ZBTB21: variants seen among roughly 807,000 people sequenced by gnomAD.
The protein encoded by ZBTB21 is zinc finger and BTB domain-containing protein 21.
ZBTB21 carries 10 observed loss-of-function variants against 39.8 expected under a neutral mutation model. The observed-to-expected ratio is 0.25, with a 90% CI of 0.16 to 0.43. The LOEUF (loss-of-function observed/expected upper bound fraction) is 0.43, where lower values mean the gene tolerates loss of function less well. Among genes scored for constraint, ZBTB21 ranks in the 20% least tolerant of loss-of-function variants. The pLI is 1.00. For missense variants in ZBTB21, 1,221 were observed against 1,296.3 expected (o/e 0.94, Z 0.89); for synonymous variants, 551 against 498.8 (o/e 1.10, Z -1.40).
intron 2 of ZBTB21, among the ~76,000 whole-genome samples, chr21:41,998,792 C>T (rs979576445): frequency 5.3e-5 from 8 of 152,104 alleles, no homozygotes; most frequent in East Asian, 1.9e-4. Flanking sequence ...TCAATTTAAC[C>T]GACTGAGACA....
chr21:42,009,830 A>T (rs1294780039), intron 1 of ZBTB21, among the ~76,000 whole-genome samples: 1 of 151,948 alleles, frequency 6.6e-6, no homozygotes, highest in Non-Finnish European at 1.5e-5. Flanking sequence ...GCCGGCCCCC[A>T]ACCCCTGCCC....
Position 41,993,979 on chromosome 21 carries a change from T to A in ZBTB21, c.117A>T (p.Gln39His). The change falls in exon 3 of 3, where the codon CAA becomes CAT. Residue 39 changes from glutamine to histidine, a missense_variant. Physicochemically the swap from Gln to His is conservative, Grantham distance 24 (BLOSUM62 0). Coordinates refer to ENST00000310826, the MANE Select transcript of ZBTB21 (RefSeq NM_001098402.2). Reference protein sequence around the residue: ...LCDVLLIVGDQKFRAHKNVLA... With the variant: ...LCDVLLIVGDHKFRAHKNVLA... ...AGACGTTTTTATGAGCTCGGAACTT[T>A]TGGTCTCCAACAATCAGCAGCACAT... The A allele has an allele frequency of 6.2e-7, 1 of 1,614,268 alleles. No homozygotes were observed. The highest frequency in any genetic ancestry group is 1.1e-5 in the South Asian group (1 of 91,086).
At chr21:42,009,805 C>T (rs1233058501) in intron 1 of ZBTB21, among the ~76,000 whole-genome samples, 1 of 151,996 alleles carries the variant, frequency 6.6e-6, no homozygotes, top group Admixed American at 6.5e-5. Context: ...CCGCGCACAC[C>T]CCGCGGCCCG....
Position 41,988,176 on chromosome 21 carries a change from CAT to C in ZBTB21, c.*2717_*2718del, listed in dbSNP as rs1193041610. ...CATTGCTTACTTTGAGTGATAAAAA[CAT>C]GTTTTATGTTACTCCTTCCTTCTCC... On this transcript the variant is annotated 3_prime_UTR_variant, in exon 3 of 3. Transcript: ENST00000310826. 1.4e-5 allele frequency: 2 copies of C among 146,714 alleles called. No homozygotes were observed. The highest frequency in any genetic ancestry group is 6.9e-5 in the Admixed American group (1 of 14,450). 9.1% of individuals were successfully genotyped at this position (146,714 alleles called of 1,614,324 possible). A position where few individuals can be genotyped will look rare whatever the true frequency, so the allele number is the denominator to read the frequency against.
chr21:42,009,984 A>C (rs1415547547), intron 1 of ZBTB21, among the ~76,000 whole-genome samples: 5 of 152,214 alleles, frequency 3.3e-5, no homozygotes, highest in Non-Finnish European at 7.4e-5. Flanking sequence ...GAGCATGCGC[A>C]TTCGCGAGGG....
At chr21:42,010,014 G>A (rs1051921255) in intron 1 of ZBTB21, among the ~76,000 whole-genome samples, 1 of 152,264 alleles carries the variant, frequency 6.6e-6, no homozygotes, top group African/African-American at 2.4e-5. Flanking sequence ...GTGCTGGCAG[G>A]GAGCGTGCGC....
intron 1 of ZBTB21, among the ~76,000 whole-genome samples, chr21:42,005,672 T>C (rs1300915785): frequency 6.6e-6 from 1 of 152,250 alleles, no homozygotes; most frequent in Non-Finnish European, 1.5e-5. Flanking sequence ...GCTTCTAGAC[T>C]GAGCTTCTTA....
chr21:41,993,516 G>A lies in ZBTB21; in HGVS notation c.580C>T (p.Pro194Ser). The stretch of plus-strand genomic sequence containing the variant: ...GACAAATTATGAAGTGGTTCTATTG[G>A]TTTTGGGACATGTGGCTTATTGGTA... Reference protein sequence around the residue: ...ANTNKPHVPKPIEPLHNLSLT... With the variant: ...ANTNKPHVPKSIEPLHNLSLT... Residue 194 changes from proline (P) to serine (S), a missense_variant, in exon 3 of 3, where the codon CCA (proline) becomes TCA (serine). Transcript: ENST00000310826. 6.2e-7 allele frequency: 1 copy of A among 1,614,216 alleles called. No individual in the cohort carries two copies. The highest frequency in any genetic ancestry group is 8.5e-7 in the Non-Finnish European group (1 of 1,180,044).
chr21:41,995,517 G>A (rs1209111335), intron 2 of ZBTB21, among the ~76,000 whole-genome samples: 2 of 152,206 alleles, frequency 1.3e-5, no homozygotes, highest in African/African-American at 4.8e-5. Flanking sequence ...GAGGTTCTCA[G>A]GTGCTGTTAG....
intron 2 of ZBTB21, among the ~76,000 whole-genome samples, chr21:41,996,116 T>C (rs750505861): frequency 5.3e-5 from 8 of 152,186 alleles, no homozygotes; most frequent in Non-Finnish European, 1.2e-4. Flanking sequence ...AATGTGGGGT[T>C]GAAGCCCCCA....
At position 41,992,844 on chromosome 21, in the gene ZBTB21, T is replaced by A. The variant is rs779562322; in HGVS notation, c.1252A>T (p.Arg418Trp). ...TCAGTCACAGGGGAAGCTCCCTCCC[T>A]GTCTGTTGACTGAGAAGCACTAAAG... ...RSFSASQSTD[R>W]EGASPVTEVR... Residue 418 changes from arginine (R) to tryptophan (W), a missense_variant, in exon 3 of 3, where the codon AGG (arginine) becomes TGG (tryptophan). By Grantham distance (101) the Arg-to-Trp change is moderately radical. Coordinates refer to ENST00000310826, the MANE Select transcript of ZBTB21 (RefSeq NM_001098402.2). The surrounding 1 kb of genome is among the most constrained non-coding windows in gnomAD (Gnocchi z 4.1). 6.2e-7 allele frequency: 1 copy of A among 1,614,202 alleles called. No individual in the cohort carries two copies. Among genetic ancestry groups the A allele is most frequent in the Admixed American group, 1.7e-5 (1 of 60,024 alleles).
intron 2 of ZBTB21, among the ~76,000 whole-genome samples, chr21:41,994,316 T>C (rs753250224): frequency 6.6e-6 from 1 of 152,124 alleles, no homozygotes; most frequent in Non-Finnish European, 1.5e-5. Context: ...CTCATTAAAA[T>C]AGAAGAATTG....
Position 41,988,604 on chromosome 21 carries a change from AAAGT to A in ZBTB21, c.*2287_*2290del, listed in dbSNP as rs1297354308. On this transcript the variant is annotated 3_prime_UTR_variant, in exon 3 of 3. Coordinates refer to ENST00000310826, the MANE Select transcript of ZBTB21 (RefSeq NM_001098402.2). The stretch of plus-strand genomic sequence containing the variant: ...CTAATGCTTTTAAAGTACAGTATAA[AAAGT>A]AATAGAAAAACCAGAACGGCATTAT... The A allele has an allele frequency of 6.6e-6, 1 of 152,206 alleles. No homozygotes were observed. Among genetic ancestry groups the A allele is most frequent in the Non-Finnish European group, 1.5e-5 (1 of 68,024 alleles). The allele number at this position is 152,206 out of a possible 1,614,324, so 9.4% of individuals were successfully genotyped here.
At chr21:42,007,493 A>T (rs550487164) in intron 1 of ZBTB21, among the ~76,000 whole-genome samples, 7 of 152,154 alleles carry the variant, frequency 4.6e-5, no homozygotes, top group Non-Finnish European at 8.8e-5. Flanking sequence ...CTGCCACCCA[A>T]AATCTCTCTC....
Position 41,986,942 on chromosome 21 carries a change from A to G in ZBTB21, c.*3953T>C, listed in dbSNP as rs2065586457. On this transcript the variant is annotated 3_prime_UTR_variant, in exon 3 of 3. Transcript: ENST00000310826. ...AATAAGCAATGGATTAACATTAGAT[A>G]GAAATCCTATTTTACCATGAATTTT... The G allele has an allele frequency of 6.5e-6, 1 of 152,694 alleles. No individual in the cohort carries two copies. The highest frequency in any genetic ancestry group is 2.1e-4 in the South Asian group (1 of 4,834). 9.5% of individuals were successfully genotyped at this position (152,694 alleles called of 1,614,324 possible). A position where few individuals can be genotyped will look rare whatever the true frequency, so the allele number is the denominator to read the frequency against.
rs1288583562 is a variant in ZBTB21, at chr21:41,992,459, A to C, written c.1637T>G (p.Phe546Cys). Residue 546 changes from phenylalanine (F) to cysteine (C), a missense_variant, in exon 3 of 3, where the codon TTT (phenylalanine) becomes TGT (cysteine). Phe to Cys is a radical substitution (Grantham distance 205). Around this residue, in one of 4 missense-constraint regions of ZBTB21, gnomAD observed 90 missense variants for 133.1 expected, o/e 0.68. Transcript: ENST00000310826. The surrounding 1 kb of genome is among the most constrained non-coding windows in gnomAD (Gnocchi z 4.1). ...ELEGTRPNKKFKCKHCLKIFR... is the reference protein window; with the variant it reads ...ELEGTRPNKKCKCKHCLKIFR... ...GATCTTAAGGCAATGTTTGCATTTAAATTTTTTGTTTGGTCTCGTCCCCTC... is the reference window on the plus strand; with the variant it reads ...GATCTTAAGGCAATGTTTGCATTTACATTTTTTGTTTGGTCTCGTCCCCTC... The C allele has an allele frequency of 6.2e-7, 1 of 1,613,930 alleles. No homozygotes were observed. Among genetic ancestry groups the C allele is most frequent in the African/African-American group, 1.3e-5 (1 of 74,870 alleles).
At chr21:42,003,624 C>A (rs1319341188) in intron 1 of ZBTB21, among the ~76,000 whole-genome samples, 1 of 152,134 alleles carries the variant, frequency 6.6e-6, no homozygotes, top group Non-Finnish European at 1.5e-5. Context: ...ACATGATGCA[C>A]AAAGGAAAGG....
At chr21:41,994,494 A>T (rs2065719393) in intron 2 of ZBTB21, among the ~76,000 whole-genome samples, 1 of 152,178 alleles carries the variant, frequency 6.6e-6, no homozygotes, top group African/African-American at 2.4e-5. Context: ...GAATTATCAA[A>T]CCCCTGAAGT....
chr21:41,995,666 C>T (rs774410400), intron 2 of ZBTB21, among the ~76,000 whole-genome samples: 12 of 152,182 alleles, frequency 7.9e-5, no homozygotes, highest in African/African-American at 1.7e-4. Context: ...AAGGAGGAGC[C>T]GAATGTTAGT....
Sources: gnomAD v4.1 joint callset for allele counts (sites outside exome capture counted in the v4.1 genomes callset) on GRCh38, gnomAD v4.1.1 for gene constraint, gnomAD v4.1.1 regional missense constraint, Gnocchi (gnomAD v3.1) non-coding constraint, MANE v1.5 for transcripts, NCBI Gene and HGNC (gene_info 2026-07-23, HGNC 2026-07-21) for gene names.